The following SLC25A40 variants were observed in gnomAD, a reference collection of about 807,000 sequenced individuals.
The protein encoded by SLC25A40 is solute carrier family 25 member 40.
SLC25A40 carries 41 observed loss-of-function variants against 46.5 expected under a neutral mutation model. That is an observed-to-expected ratio of 0.88 (90% CI 0.69 to 1.14). The LOEUF (loss-of-function observed/expected upper bound fraction) is 1.14. Ranked by LOEUF, SLC25A40 falls within the 50% of genes most tolerant of loss-of-function variation. SLC25A40 has a pLI of 0.00. For synonymous variants in SLC25A40, 126 were observed against 127.5 expected (o/e 0.99, Z 0.08); for missense variants, 386 against 393.6 (o/e 0.98, Z 0.16).
chr7:87,852,888 T>A (rs1838539706), intron 5 of SLC25A40, among the ~76,000 whole-genome samples: 1 of 152,194 alleles, frequency 6.6e-6, no homozygotes, highest in South Asian at 2.1e-4. Context: ...ATCAAGGACT[T>A]AAATAAAATT....
chr7:87,865,446 G>A (rs932939175), intron 1 of SLC25A40, among the ~76,000 whole-genome samples: 1 of 152,178 alleles, frequency 6.6e-6, no homozygotes, highest in Non-Finnish European at 1.5e-5. Context: ...AGAGTTATGA[G>A]TGAATTGCAC....
At chr7:87,836,411 T>A (rs1180161431) in intron 11 of SLC25A40, 50 bp from the exon 12 acceptor site, 1 of 1,153,814 alleles carries the variant, frequency 8.7e-7, no homozygotes, top group Admixed American at 3.0e-5. Flanking sequence ...TCTTACCTTA[T>A]TTTTAAAAAT....
chr7:87,846,860 T>C (rs1838429678), intron 8 of SLC25A40, 89 bp downstream of exon 8: 5 of 1,103,850 alleles, frequency 4.5e-6, no homozygotes, highest in East Asian at 2.5e-5. Flanking sequence ...TTACCTTTAA[T>C]GGTAAAGAGT....
rs1838228875 is a variant in SLC25A40 at position 87,834,137 on chromosome 7, C to T, written c.*2112G>A. The stretch of plus-strand genomic sequence containing the variant: ...CACATGTTTGCAAATATTGCAATTC[C>T]TGCAACATCATATGTATTGAAAAGT... On this transcript the variant is annotated 3_prime_UTR_variant, in exon 12 of 12. Transcript: ENST00000341119. 2 of 151,808 alleles carry T rather than the reference C, an allele frequency of 1.3e-5. No individual in the cohort carries two copies. The highest frequency in any genetic ancestry group is 4.1e-4 in the South Asian group (2 of 4,826). The allele number at this position is 151,808 out of a possible 1,614,324, so 9.4% of individuals were successfully genotyped here. A position where few individuals can be genotyped will look rare whatever the true frequency, so the allele number is the denominator to read the frequency against.
In SLC25A40 at chr7:87,841,468, G is replaced by A. The variant is rs927492829; in HGVS notation, c.823+165C>T. Among the ~76,000 whole-genome samples the A allele has an allele frequency of 1.3e-5, 2 of 151,502 alleles. 1 individual carries two copies. The highest frequency in any genetic ancestry group is 1.3e-4 in the Admixed American group (2 of 15,140). ...TTCTTAAATTTTTTGTTTTTGTTTA[G>A]TTTTTCTGGGTATTCCATTCTAACA... On this transcript the variant is annotated intron_variant, in intron 10 of 11. Coordinates refer to ENST00000341119, the MANE Select transcript of SLC25A40 (RefSeq NM_018843.4).
intron 8 of SLC25A40, among the ~76,000 whole-genome samples, chr7:87,845,228 C>CA (rs1423563202): frequency 6.6e-6 from 1 of 151,894 alleles, no homozygotes; most frequent in East Asian, 1.9e-4. Context: ...TGTTATATGA[C>CA]AGAGACGACA....
intron 1 of SLC25A40, among the ~76,000 whole-genome samples, chr7:87,860,916 T>C (rs1838687306): frequency 6.6e-6 from 1 of 152,190 alleles, no homozygotes; most frequent in Non-Finnish European, 1.5e-5. Context: ...CAGTGATTAA[T>C]CTTAGCATCA....
At chr7:87,841,806 A>G in intron 9 of SLC25A40, 92 bp from the exon 10 acceptor site, 1 of 653,614 alleles carries the variant, frequency 1.5e-6, no homozygotes, top group Non-Finnish European at 2.3e-6. Flanking sequence ...TTATTTAAGG[A>G]TAATGAAAAC....
At position 87,872,834 on chromosome 7, in the gene SLC25A40, C is replaced by T. The variant is rs934408000; in HGVS notation, c.-94+3262G>A. Among the ~76,000 whole-genome samples the T allele has an allele frequency of 4.6e-5, 7 of 152,174 alleles. No homozygotes were observed. The South Asian group carries it at 6.2e-4, about 14-fold the overall frequency. ...AAAATTAGCTGGGCATGGTGGCAGG[C>T]GCCTGTAATTTAAAGTGAACACACT... On this transcript the variant is annotated intron_variant, in intron 1 of 11. Transcript: ENST00000341119.
At chr7:87,861,543 T>C (rs1838699486) in intron 1 of SLC25A40, among the ~76,000 whole-genome samples, 1 of 152,178 alleles carries the variant, frequency 6.6e-6, no homozygotes, top group Admixed American at 6.5e-5. Flanking sequence ...ATACCATATT[T>C]CATTGTTCTG....
At chr7:87,871,290 C>T (rs1838892079) in intron 1 of SLC25A40, among the ~76,000 whole-genome samples, 1 of 152,218 alleles carries the variant, frequency 6.6e-6, no homozygotes, top group South Asian at 2.1e-4. Flanking sequence ...ACAAAAACAG[C>T]CTCCAGATAA....
At chr7:87,874,268 C>G (rs79810525) in intron 1 of SLC25A40, among the ~76,000 whole-genome samples, 2,009 of 152,224 alleles carry the variant, frequency 0.013, 16 homozygotes, top group Non-Finnish European at 0.013. Context: ...TTCCTCTTCA[C>G]GGCAAATAAG....
chr7:87,853,789 A>G (rs1838556871), intron 5 of SLC25A40, among the ~76,000 whole-genome samples: 1 of 152,202 alleles, frequency 6.6e-6, no homozygotes. Flanking sequence ...GTTGGTGAGA[A>G]CACAACGGAA....
At chr7:87,869,495 T>C (rs1460808536) in intron 1 of SLC25A40, among the ~76,000 whole-genome samples, 1 of 151,262 alleles carries the variant, frequency 6.6e-6, no homozygotes, top group Non-Finnish European at 1.5e-5. Context: ...TGCTATTGCA[T>C]GCCAGCCTGG....
intron 1 of SLC25A40, among the ~76,000 whole-genome samples, chr7:87,875,160 A>T (rs1334779341): frequency 6.6e-6 from 1 of 152,238 alleles, no homozygotes; most frequent in East Asian, 1.9e-4. Flanking sequence ...TGATGCAGAA[A>T]TATTTTATTG....
chr7:87,874,326 T>A (rs1367985607), intron 1 of SLC25A40, among the ~76,000 whole-genome samples: 4 of 151,960 alleles, frequency 2.6e-5, no homozygotes, highest in Admixed American at 2.6e-4. Flanking sequence ...CTTCCTTTTT[T>A]AAAAAAAAGT....
rs1199350949 is a variant in SLC25A40, at chr7:87,835,124, A to G, written c.*1125T>C. 4 of 151,480 alleles carry G rather than the reference A, an allele frequency of 2.6e-5. No individual in the cohort carries two copies. Among genetic ancestry groups the G allele is most frequent in the African/African-American group, 9.7e-5 (4 of 41,372 alleles). 9.4% of individuals were successfully genotyped at this position (151,480 alleles called of 1,614,324 possible). On this transcript the variant is annotated 3_prime_UTR_variant, in exon 12 of 12. Transcript: ENST00000341119. ...TATATAGGATATAGATCCTAAGAAA[A>G]TAAAACTAAAGTATAAAAAATGAAT...
At position 87,847,033 on chromosome 7, in the gene SLC25A40, C is replaced by T; in HGVS notation, c.547G>A (p.Val183Ile). 1 of 1,613,810 alleles carries T rather than the reference C, an allele frequency of 6.2e-7. No individual in the cohort carries two copies. Among genetic ancestry groups the T allele is most frequent in the Non-Finnish European group, 8.5e-7 (1 of 1,179,848 alleles). ...CCATCTTCAGATACTTTCTTGCTGA[C>T]AAATCGATGCAGTTCCACGTAAGAA... ...KFSYVELHRF[V>I]SKKVSEDGWI... is the part of the protein sequence containing the mutation. Residue 183 changes from valine to isoleucine, a missense_variant, in exon 8 of 12, where the codon GTC becomes ATC. Val to Ile is a conservative substitution (Grantham distance 29). Transcript: ENST00000341119.
chr7:87,865,777 GAA>G (rs59010394), intron 1 of SLC25A40, among the ~76,000 whole-genome samples: 1 of 150,152 alleles, frequency 6.7e-6, no homozygotes, highest in Non-Finnish European at 1.5e-5. Flanking sequence ...GTCTCGGGGG[GAA>G]AAAAAAAGAA....
Sources: allele counts gnomAD v4.1 joint callset (sites outside exome capture counted in the v4.1 genomes callset), GRCh38; gene constraint gnomAD v4.1.1; transcripts MANE v1.5; gene names NCBI Gene and HGNC (gene_info 2026-07-23, HGNC 2026-07-21).